Variants in ADRA1D observed in about 807,000 individuals in gnomAD.
The protein encoded by ADRA1D is adrenoceptor alpha 1D.
ADRA1D carries 22 observed loss-of-function variants against 18.6 expected under a neutral mutation model. The observed-to-expected ratio is 1.19, with a 90% CI of 0.85 to 1.69. ADRA1D has a LOEUF of 1.69. Among genes scored for constraint, ADRA1D ranks in the 40% most tolerant of loss-of-function variants. The probability of loss-of-function intolerance (pLI) is 0.00; values close to 1 mark genes in which losing one functional copy is unlikely to be tolerated. For synonymous variants in ADRA1D, 376 were observed against 388.2 expected (o/e 0.97, Z 0.37); for missense variants, 840 against 840.7 (o/e 1.00, Z 0.01).
rs6139364 is a variant in ADRA1D, at chr20:4,239,498, C to G, written c.1111+8349G>C. Among the ~76,000 whole-genome samples, 37,464 of 152,172 alleles carry G rather than the reference C, an allele frequency of 0.25. 4,823 individuals are homozygous for G. The highest frequency in any genetic ancestry group is 0.36 in the South Asian group (1,753 of 4,814). On this transcript the variant is annotated intron_variant, in intron 1 of 1. Transcript: ENST00000379453. This position sits in a 1 kb window ranked among gnomAD's most constrained non-coding sequence, Gnocchi z 4.9. ...ACAGCTCAGTCATCTTCCATTGAAA[C>G]AGACTAGGGCTCTTTAGGGAAATGG...
intron 1 of ADRA1D, among the ~76,000 whole-genome samples, chr20:4,231,088 T>TCTCTC (rs1568764770): frequency 1.2e-4 from 10 of 84,524 alleles, no homozygotes; most frequent in African/African-American, 2.3e-4. Flanking sequence ...CTCTCTTTTC[T>TCTCTC]TTTCTTTTCT....
chr20:4,238,776 T>C (rs1268479032), intron 1 of ADRA1D, among the ~76,000 whole-genome samples: 2 of 152,116 alleles, frequency 1.3e-5, no homozygotes, highest in Admixed American at 6.5e-5. Flanking sequence ...CCAGAGCCAA[T>C]TGTGTAACAT....
At chr20:4,225,502 A>C (rs1479058890) in intron 1 of ADRA1D, among the ~76,000 whole-genome samples, 1 of 135,846 alleles carries the variant, frequency 7.4e-6, no homozygotes, top group Non-Finnish European at 1.5e-5. Flanking sequence ...CTCTTGGCTC[A>C]CTACAACCTC....
chr20:4,237,264 T>C (rs573365498), intron 1 of ADRA1D, among the ~76,000 whole-genome samples: 51 of 152,040 alleles, frequency 3.4e-4, no homozygotes, highest in Middle Eastern at 3.4e-3. Flanking sequence ...GACCCCTAGC[T>C]AGATGTGGTC....
intron 1 of ADRA1D, among the ~76,000 whole-genome samples, chr20:4,241,738 G>A (rs1309903801): frequency 1.3e-5 from 2 of 152,110 alleles, no homozygotes; most frequent in Admixed American, 1.3e-4. Flanking sequence ...GCAGCCTGTG[G>A]AGATGAGTCC....
At chr20:4,243,755 G>C (rs1981272370) in intron 1 of ADRA1D, among the ~76,000 whole-genome samples, 1 of 152,172 alleles carries the variant, frequency 6.6e-6, no homozygotes, top group Non-Finnish European at 1.5e-5. Context: ...GGTCCCAGAG[G>C]AGCTGGTGCT....
intron 1 of ADRA1D, among the ~76,000 whole-genome samples, chr20:4,237,490 C>T (rs1273464749): frequency 1.3e-5 from 2 of 151,732 alleles, no homozygotes; most frequent in African/African-American, 4.8e-5. Flanking sequence ...AAAAAGAGCC[C>T]TCTGAATGTG....
intron 1 of ADRA1D, among the ~76,000 whole-genome samples, chr20:4,224,017 C>CA (rs1412130062): frequency 6.6e-6 from 1 of 152,084 alleles, no homozygotes; most frequent in African/African-American, 2.4e-5. Flanking sequence ...TGAGGCAGGG[C>CA]AGAGGGTATT....
chr20:4,238,202 G>A (rs574105211), intron 1 of ADRA1D, among the ~76,000 whole-genome samples: 4 of 151,850 alleles, frequency 2.6e-5, no homozygotes, highest in Non-Finnish European at 5.9e-5. Flanking sequence ...GCAGTGAGCG[G>A]AGATCATGCC....
At chr20:4,233,751 G>A (rs1981024695) in intron 1 of ADRA1D, among the ~76,000 whole-genome samples, 1 of 152,120 alleles carries the variant, frequency 6.6e-6, no homozygotes, top group African/African-American at 2.4e-5. Context: ...GAGTGTGCAC[G>A]TTTGTGTTCA....
chr20:4,227,687 T>TCC (rs1980836222), intron 1 of ADRA1D, among the ~76,000 whole-genome samples: 1 of 47,830 alleles, frequency 2.1e-5, no homozygotes, highest in African/African-American at 8.8e-5. Flanking sequence ...TCCTTCCCTC[T>TCC]CTCCCTCCCT....
chr20:4,229,614 G>A (rs1164555999), intron 1 of ADRA1D, among the ~76,000 whole-genome samples: 1 of 152,132 alleles, frequency 6.6e-6, no homozygotes, highest in Admixed American at 6.5e-5. Context: ...GCCCTGAGGT[G>A]GCTCCGGTAT....
chr20:4,231,082 CTT>C (rs368633189), intron 1 of ADRA1D, among the ~76,000 whole-genome samples: 5 of 97,450 alleles, frequency 5.1e-5, no homozygotes, highest in African/African-American at 1.8e-4. Flanking sequence ...CTCTCTCTCT[CTT>C]TTCTTTTCTT....
chr20:4,225,279 G>T (rs752894847), intron 1 of ADRA1D, among the ~76,000 whole-genome samples: 3 of 151,762 alleles, frequency 2.0e-5, no homozygotes, highest in African/African-American at 4.8e-5. Flanking sequence ...GATTACAAGC[G>T]TGAGCTACCG....
At chr20:4,240,967 A>C (rs1379649662) in intron 1 of ADRA1D, among the ~76,000 whole-genome samples, 1 of 152,210 alleles carries the variant, frequency 6.6e-6, no homozygotes, top group Non-Finnish European at 1.5e-5. Flanking sequence ...TGTTAAAAAC[A>C]TGAAAAAAAC....
rs1434109240 is a variant in ADRA1D at position 4,221,567 on chromosome 20, A to G, written c.1675T>C (p.Tyr559His). Reference sequence around the variant, plus strand: ...AGGTTGCTGTAGTCGGCCAATTCGTAGGCCTGGCAGGTGGCGCCCTCGGCC... The same window carrying G: ...AGGTTGCTGTAGTCGGCCAATTCGTGGGCCTGGCAGGTGGCGCCCTCGGCC... ...EVAEGATCQAYELADYSNLRE... is the reference protein window; with the variant it reads ...EVAEGATCQAHELADYSNLRE... The change falls in exon 2 of 2, where the codon TAC becomes CAC. Residue 559 changes from tyrosine (Y) to histidine (H), a missense_variant. By Grantham distance (83) the Tyr-to-His change is moderately conservative. Coordinates refer to ENST00000379453, the MANE Select transcript of ADRA1D (RefSeq NM_000678.4). 1.2e-6 allele frequency: 2 copies of G among 1,612,428 alleles called. No homozygotes were observed. The highest frequency in any genetic ancestry group is 2.2e-5 in the East Asian group (1 of 44,810).
chr20:4,233,392 T>C (rs964428056), intron 1 of ADRA1D, among the ~76,000 whole-genome samples: 5 of 151,684 alleles, frequency 3.3e-5, no homozygotes, highest in Non-Finnish European at 5.9e-5. Context: ...ACGTGGGAGG[T>C]TGAGGCTGCA....
rs1346180442 is a variant in ADRA1D at position 4,239,773 on chromosome 20, A to G, written c.1111+8074T>C. Among the ~76,000 whole-genome samples, 1 of 152,268 alleles carries G rather than the reference A, an allele frequency of 6.6e-6. No homozygotes were observed. Among genetic ancestry groups the G allele is most frequent in the Non-Finnish European group, 1.5e-5 (1 of 68,044 alleles). On this transcript the variant is annotated intron_variant, in intron 1 of 1. Transcript: ENST00000379453. The surrounding 1 kb of genome is among the most constrained non-coding windows in gnomAD (Gnocchi z 4.9). ...AGTGGTCACGTCTGGAAAGAATGCT[A>G]GAGAACTGACTCTTCCTCTGATAAA...
At position 4,248,074 on chromosome 20, in the gene ADRA1D, T is replaced by A. The variant is rs1892798955; in HGVS notation, c.884A>T (p.Glu295Val). ...TRSLEAGVKR[E>V]RGKASEVVLR... The stretch of plus-strand genomic sequence containing the variant: ...CACCACCTCGGAGGCCTTGCCTCGC[T>A]CGCGCTTGACGCCCGCCTCGAGGCT... Residue 295 changes from glutamate (E) to valine (V), a missense_variant, in exon 1 of 2, where the codon GAG becomes GTG. Glu to Val is a moderately radical substitution (Grantham distance 121). Coordinates refer to ENST00000379453, the MANE Select transcript of ADRA1D (RefSeq NM_000678.4). 3 of 1,550,988 alleles carry A rather than the reference T, an allele frequency of 1.9e-6. No individual in the cohort carries two copies. Among genetic ancestry groups the A allele is most frequent in the Admixed American group, 2.0e-5 (1 of 51,056 alleles).
Sources: gnomAD v4.1 joint callset for allele counts (sites outside exome capture counted in the v4.1 genomes callset) on GRCh38, gnomAD v4.1.1 for gene constraint, Gnocchi (gnomAD v3.1) non-coding constraint, MANE v1.5 for transcripts, NCBI Gene and HGNC (gene_info 2026-07-23, HGNC 2026-07-21) for gene names.